CDS1: variants seen among roughly 807,000 people sequenced by gnomAD.
CDS1 encodes the protein CDP-diacylglycerol synthase 1, also known as phosphatidate cytidylyltransferase 1.
In CDS1, 41 loss-of-function variants were observed where a neutral mutation model predicts 62.1. The observed-to-expected ratio is 0.66, with a 90% confidence interval of 0.51 to 0.86. The LOEUF (loss-of-function observed/expected upper bound fraction) is 0.86. CDS1 is among the 40% of genes least tolerant of loss of function. CDS1 has a pLI of 0.00. For synonymous variants in CDS1, 185 were observed against 192.6 expected, an observed-to-expected ratio of 0.96 and a Z score of 0.32; for missense variants, 470 against 550.1, an observed-to-expected ratio of 0.85 and a Z score of 1.46.
At chr4:84,637,834 C>T (rs1035033797) in intron 8 of CDS1, among the ~76,000 whole-genome samples, 5 of 152,140 alleles carry the variant, frequency 3.3e-5, no homozygotes, top group African/African-American at 1.2e-4. Flanking sequence ...CAATAATCAG[C>T]AGGCACTTTT....
intron 1 of CDS1, among the ~76,000 whole-genome samples, chr4:84,595,017 C>G (rs1439752455): frequency 6.6e-6 from 1 of 152,126 alleles, no homozygotes; most frequent in Non-Finnish European, 1.5e-5. Context: ...TATGAAAACC[C>G]TCAAAGCACA....
chr4:84,622,003 A>G lies in CDS1; in HGVS notation c.580+2470A>G, dbSNP rs115403036. Among the ~76,000 whole-genome samples, 915 of 152,338 alleles carry G rather than the reference A, an allele frequency of 6.0e-3. 1 individual carries two copies. Among genetic ancestry groups the G allele is most frequent in the African/African-American group, 0.021 (893 of 41,590 alleles). ...ACTTGACTCTGATTCTGTGTTTATC[A>G]AAGCACATTTGTGCATTTTCTTGGT... On this transcript the variant is annotated intron_variant, in intron 5 of 12. Coordinates refer to ENST00000295887, the MANE Select transcript of CDS1 (RefSeq NM_001263.4).
Position 84,645,333 on chromosome 4 carries a change from T to C in CDS1, c.1256+8T>C, listed in dbSNP as rs775294802. On this transcript the variant is annotated splice_region_variant and intron_variant, in intron 12 of 12. Coordinates refer to ENST00000295887, the MANE Select transcript of CDS1 (RefSeq NM_001263.4). ...CATCACAAGTTTTATAAGGTACTTT[T>C]ACACTTGAGACATTTTTTAGATGAT... is the stretch of plus-strand genomic sequence containing the variant. 2 of 1,465,486 alleles carry C rather than the reference T, an allele frequency of 1.4e-6. No homozygotes were observed. Among genetic ancestry groups the C allele is most frequent in the Admixed American group, 3.4e-5 (2 of 58,232 alleles). The allele number at this position is 1,465,486 out of a possible 1,614,324, so 90.8% of individuals were successfully genotyped here. A position where few individuals can be genotyped will look rare whatever the true frequency, so the allele number is the denominator to read the frequency against.
intron 1 of CDS1, among the ~76,000 whole-genome samples, chr4:84,601,955 A>ATACG (rs1188503162): frequency 6.8e-6 from 1 of 146,232 alleles, no homozygotes; most frequent in African/African-American, 2.5e-5. Flanking sequence ...ACATACATAC[A>ATACG]TACGTACGTA....
rs543622313 is a variant in CDS1 at position 84,597,995 on chromosome 4, G to A, written c.118-6248G>A. On this transcript the variant is annotated intron_variant, in intron 1 of 12. Transcript: ENST00000295887. The stretch of plus-strand genomic sequence containing the variant: ...CAAAAAATTAGCCGGGCGTGGTGGC[G>A]GGCGCCTGTAGTCCCAGCTACTCGG... Among the ~76,000 whole-genome samples the A allele has an allele frequency of 1.7e-3, 254 of 151,856 alleles. 1 individual carries two copies. Among genetic ancestry groups the A allele is most frequent in the Non-Finnish European group, 2.6e-3 (177 of 67,902 alleles).
At chr4:84,599,982 T>G (rs1722887069) in intron 1 of CDS1, among the ~76,000 whole-genome samples, 1 of 152,222 alleles carries the variant, frequency 6.6e-6, no homozygotes, top group East Asian at 1.9e-4. Flanking sequence ...CTGGTTGTAC[T>G]GTTTTACATT....
In CDS1 at chr4:84,645,297, G is replaced by A. The variant is rs776795772; in HGVS notation, c.1228G>A (p.Val410Ile). The stretch of plus-strand genomic sequence containing the variant: ...TTGTCAGTATTTGATGGCAACTTTT[G>A]TACATGTGTACATCACAAGTTTTAT... ...FDCQYLMATFVHVYITSFIRG... is the reference protein window; with the variant it reads ...FDCQYLMATFIHVYITSFIRG... The change falls in exon 12 of 13, where the codon GTA (valine) becomes ATA (isoleucine). Residue 410 changes from valine (V) to isoleucine (I), a missense_variant. By Grantham distance (29) the Val-to-Ile change is conservative. Coordinates refer to ENST00000295887, the MANE Select transcript of CDS1 (RefSeq NM_001263.4). The A allele has an allele frequency of 1.2e-6, 2 of 1,604,364 alleles. No homozygotes were observed. Among genetic ancestry groups the A allele is most frequent in the Non-Finnish European group, 1.7e-6 (2 of 1,171,380 alleles).
At position 84,638,965 on chromosome 4, in the gene CDS1, C is replaced by A; in HGVS notation, c.852C>A (p.Phe284Leu). Residue 284 changes from phenylalanine (F) to leucine (L), a missense_variant, in exon 9 of 13, where the codon TTC (phenylalanine) becomes TTA (leucine). Coordinates refer to ENST00000295887, the MANE Select transcript of CDS1 (RefSeq NM_001263.4). ...CTTGGGAAGGATTCATTGGTGGTTT[C>A]TTTTCCACAGTTGTGTTTGGATTCA... ...KKTWEGFIGGFFSTVVFGFIA... is the reference protein window; with the variant it reads ...KKTWEGFIGGLFSTVVFGFIA... 1.3e-6 allele frequency: 2 copies of A among 1,569,544 alleles called. No homozygotes were observed. The highest frequency in any genetic ancestry group is 1.7e-6 in the Non-Finnish European group (2 of 1,157,910).
intron 1 of CDS1, among the ~76,000 whole-genome samples, chr4:84,586,610 C>G (rs1479379335): frequency 6.6e-6 from 1 of 152,172 alleles, no homozygotes; most frequent in Non-Finnish European, 1.5e-5. Flanking sequence ...AGACCACTCA[C>G]CTGCTCTGCA....
chr4:84,599,405 C>CACACACATATATAT (rs1231093037), intron 1 of CDS1, among the ~76,000 whole-genome samples: 1 of 24,708 alleles, frequency 4.0e-5, no homozygotes, highest in Non-Finnish European at 8.0e-5. Flanking sequence ...CACACACACA[C>CACACACATATATAT]ATATATATAT....
chr4:84,641,896 T>C (rs1185569648), intron 10 of CDS1, among the ~76,000 whole-genome samples: 2 of 152,266 alleles, frequency 1.3e-5, no homozygotes, highest in Non-Finnish European at 2.9e-5. Context: ...AACAAATTAT[T>C]TCTCTCTGAG....
At chr4:84,648,191 A>C (rs187895022) in intron 12 of CDS1, among the ~76,000 whole-genome samples, 167 of 152,240 alleles carry the variant, frequency 1.1e-3, no homozygotes, top group African/African-American at 3.7e-3. Context: ...GGTTTGTCCT[A>C]TGTTCACCAG....
chr4:84,609,666 T>G (rs1040274353), intron 3 of CDS1, 141 bp downstream of exon 3: 8 of 608,906 alleles, frequency 1.3e-5, no homozygotes, highest in Non-Finnish European at 2.0e-5. Context: ...AAGTGTCTTT[T>G]ATTTCATGAT....
chr4:84,640,182 T>C (rs1384761712), intron 9 of CDS1, among the ~76,000 whole-genome samples: 1 of 148,226 alleles, frequency 6.7e-6, no homozygotes, highest in African/African-American at 2.5e-5. Flanking sequence ...ATTTTATATA[T>C]ATAAAATAAA....
At chr4:84,608,416 T>C (rs1252691139) in intron 2 of CDS1, among the ~76,000 whole-genome samples, 11 of 152,238 alleles carry the variant, frequency 7.2e-5, no homozygotes, top group Admixed American at 1.3e-4. Context: ...CCTCGTGATC[T>C]GCCCACCTCG....
chr4:84,639,390 T>C lies in CDS1; in HGVS notation c.879+398T>C, dbSNP rs79384721. Among the ~76,000 whole-genome samples the C allele has an allele frequency of 4.8e-4, 73 of 152,334 alleles. No homozygotes were observed. In the East Asian group the frequency reaches 0.014, roughly 29 times the overall value. ...TAATAGCAGAGGATGCAAATACTAT[T>C]GAAAAGCTCTGCCTTCTTAAACACA... On this transcript the variant is annotated intron_variant, in intron 9 of 12. Transcript: ENST00000295887.
intron 11 of CDS1, among the ~76,000 whole-genome samples, chr4:84,643,561 T>C (rs1724460300): frequency 6.6e-6 from 1 of 152,222 alleles, no homozygotes; most frequent in Non-Finnish European, 1.5e-5. Flanking sequence ...ATCACACTCT[T>C]TCTGTAAAGG....
intron 5 of CDS1, among the ~76,000 whole-genome samples, chr4:84,622,196 T>C (rs1334047803): frequency 6.6e-6 from 1 of 152,208 alleles, no homozygotes; most frequent in Non-Finnish European, 1.5e-5. Flanking sequence ...TTCTGGCATT[T>C]TGAGTTTTGA....
chr4:84,609,005 C>T (rs1004636935), intron 2 of CDS1, among the ~76,000 whole-genome samples: 9 of 151,826 alleles, frequency 5.9e-5, no homozygotes, highest in South Asian at 2.1e-4. Context: ...AGTGAAACCC[C>T]GTCTCTACTA....
Sources: gnomAD v4.1 joint callset for allele counts (sites outside exome capture counted in the v4.1 genomes callset) on GRCh38, gnomAD v4.1.1 for gene constraint, MANE v1.5 for transcripts, NCBI Gene and HGNC (gene_info 2026-07-23, HGNC 2026-07-21) for gene names.